Variants in ANAPC5 observed in about 807,000 individuals in gnomAD.
ANAPC5 encodes anaphase-promoting complex subunit 5.
Under a neutral mutation model 91.3 loss-of-function variants are expected in ANAPC5, and 60 were observed. The ratio of observed to expected loss-of-function variants is 0.66; its 90% confidence interval spans 0.53 to 0.81. ANAPC5 has a LOEUF of 0.81. Ranked by LOEUF, ANAPC5 falls within the 40% of genes least tolerant of loss-of-function variation. The pLI is 0.00. For missense variants in ANAPC5, 690 were observed against 931.5 expected (o/e 0.74, Z 3.37); for synonymous variants, 340 against 364.1 (o/e 0.93, Z 0.75).
At chr12:121,348,820 C>T (rs553817330) in intron 1 of ANAPC5, among the ~76,000 whole-genome samples, 1 of 152,268 alleles carries the variant, frequency 6.6e-6, no homozygotes, top group Non-Finnish European at 1.5e-5. Context: ...GATAACCCAG[C>T]AATTGCACTT....
At chr12:121,345,299 T>C (rs1459227287) in intron 4 of ANAPC5, among the ~76,000 whole-genome samples, 1 of 152,176 alleles carries the variant, frequency 6.6e-6, no homozygotes, top group Non-Finnish European at 1.5e-5. Flanking sequence ...GTTACTTCAC[T>C]CTGATGTGAT....
Position 121,342,929 on chromosome 12 carries a change from T to C in ANAPC5, c.591-860A>G, listed in dbSNP as rs1555274244. ...AAAAGAACTAAGAAATACATGTAAG[T>C]ACATCCTATAAAATAAAAAGGTTCT... On this transcript the variant is annotated intron_variant, in intron 4 of 16. Coordinates refer to ENST00000261819, the MANE Select transcript of ANAPC5 (RefSeq NM_016237.5). This position sits in a 1 kb window ranked among gnomAD's most constrained non-coding sequence, Gnocchi z 4.1. Among the ~76,000 whole-genome samples the C allele has an allele frequency of 6.6e-6, 1 of 152,194 alleles. No individual in the cohort carries two copies. The highest frequency in any genetic ancestry group is 2.4e-5 in the African/African-American group (1 of 41,450).
chr12:121,312,802 C>T (rs1593572416), intron 15 of ANAPC5, among the ~76,000 whole-genome samples: 1 of 150,788 alleles, frequency 6.6e-6, no homozygotes. Flanking sequence ...ATTGTTTGAA[C>T]CCAGGAGGCG....
At chr12:121,311,975 C>CAT (rs1302393294) in intron 15 of ANAPC5, among the ~76,000 whole-genome samples, 6 of 152,042 alleles carry the variant, frequency 3.9e-5, no homozygotes, top group Non-Finnish European at 5.9e-5. Flanking sequence ...CTGGCCCTAA[C>CAT]ATATATATAT....
intron 1 of ANAPC5, 86 bp downstream of exon 1, chr12:121,352,048 G>A (rs1903911807): frequency 8.1e-6 from 10 of 1,232,332 alleles, no homozygotes; most frequent in African/African-American, 1.5e-5. Context: ...TGATGGACAC[G>A]AGTGTCCCCA....
At chr12:121,346,249 C>A in intron 3 of ANAPC5, 1 of 436,104 alleles carries the variant, frequency 2.3e-6, no homozygotes. Context: ...CCCACCCCAC[C>A]TCCACCTGAA....
chr12:121,333,018 T>C (rs566618932), intron 7 of ANAPC5: 1 of 151,986 alleles, frequency 6.6e-6, no homozygotes, highest in Non-Finnish European at 1.5e-5. Context: ...ATTCTGTTCA[T>C]CAAAATATTA....
intron 6 of ANAPC5, among the ~76,000 whole-genome samples, chr12:121,336,010 A>G (rs1229591388): frequency 6.6e-6 from 1 of 152,224 alleles, no homozygotes. Flanking sequence ...GATAGATGAG[A>G]ATACTGGGCC....
intron 3 of ANAPC5, 29 bp downstream of exon 3, chr12:121,346,867 T>C (rs782625733): frequency 7.1e-7 from 1 of 1,411,484 alleles, no homozygotes; most frequent in African/African-American, 1.5e-5. Context: ...ATGAAAATAC[T>C]CTCTGCTCTT....
chr12:121,342,166 C>G lies in ANAPC5; in HGVS notation c.591-97G>C. The G allele has an allele frequency of 8.8e-6, 8 of 913,702 alleles. No homozygotes were observed. Among genetic ancestry groups the G allele is most frequent in the Non-Finnish European group, 1.1e-5 (7 of 611,008 alleles). The allele number at this position is 913,702 out of a possible 1,614,324, so 56.6% of individuals were successfully genotyped here. ...GATGGATTCTTGTATCGAAAGAGTT[C>G]AAAAAATTTAACTCTCTCCTCAGAA... On this transcript the variant is annotated intron_variant, in intron 4 of 16. Coordinates refer to ENST00000261819, the MANE Select transcript of ANAPC5 (RefSeq NM_016237.5). This position sits in a 1 kb window ranked among gnomAD's most constrained non-coding sequence, Gnocchi z 4.1.
At chr12:121,339,623 AC>A (rs1566193606) in intron 5 of ANAPC5, among the ~76,000 whole-genome samples, 2 of 152,176 alleles carry the variant, frequency 1.3e-5, no homozygotes, top group Non-Finnish European at 2.9e-5. Flanking sequence ...GGCACATGCC[AC>A]CACATCAGCT....
At position 121,342,010 on chromosome 12, in the gene ANAPC5, G is replaced by A. The variant is rs782012718; in HGVS notation, c.650C>T (p.Ser217Phe). Residue 217 changes from serine to phenylalanine, a missense_variant, in exon 5 of 17, where the codon TCT becomes TTT. Ser to Phe is a radical substitution (Grantham distance 155). This residue lies in a region of ANAPC5 where 238 missense variants were observed against 264.9 expected (regional missense o/e 0.90). Coordinates refer to ENST00000261819, the MANE Select transcript of ANAPC5 (RefSeq NM_016237.5). This position sits in a 1 kb window ranked among gnomAD's most constrained non-coding sequence, Gnocchi z 4.1. Reference sequence around the variant, plus strand: ...ATTACAGAATTCACATACCTGTTGAGAAAGAAAAAATTCTGCTTGTTTTTG... The same window carrying A: ...ATTACAGAATTCACATACCTGTTGAAAAAGAAAAAATTCTGCTTGTTTTTG... ...LSQKQAEFFL[S>F]QQASLLKNDE... 1 of 1,609,858 alleles carries A rather than the reference G, an allele frequency of 6.2e-7. No homozygotes were observed.
Position 121,352,366 on chromosome 12 carries a change from CCG to C in ANAPC5, c.-28_-27del, listed in dbSNP as rs782777410. On this transcript the variant is annotated 5_prime_UTR_variant, in exon 1 of 17. Transcript: ENST00000261819. ...GGCGGCCCGAGACTAAGTCTCGGGCCCGCGGCGCGCTGCCGCCAGTTGTCACC... is the reference window on the plus strand; with the variant it reads ...GGCGGCCCGAGACTAAGTCTCGGGCCCGGCGCGCTGCCGCCAGTTGTCACC... 33 of 1,568,416 alleles carry C rather than the reference CCG, an allele frequency of 2.1e-5. No individual in the cohort carries two copies. Among genetic ancestry groups the C allele is most frequent in the Non-Finnish European group, 2.4e-5 (28 of 1,152,668 alleles).
At chr12:121,309,057 G>A (rs994705896) in intron 16 of ANAPC5, among the ~76,000 whole-genome samples, 1 of 150,930 alleles carries the variant, frequency 6.6e-6, no homozygotes, top group Non-Finnish European at 1.5e-5. Flanking sequence ...GCTGAGGCAG[G>A]AGAGTCACTT....
chr12:121,323,491 C>T (rs1358292512), intron 11 of ANAPC5, among the ~76,000 whole-genome samples: 1 of 151,994 alleles, frequency 6.6e-6, no homozygotes, highest in East Asian at 1.9e-4. Context: ...CACACCACAC[C>T]CAGCTAATTT....
chr12:121,309,989 A>G (rs755136794), intron 15 of ANAPC5, 126 bp from the exon 16 acceptor site: 439 of 841,122 alleles, frequency 5.2e-4, no homozygotes, highest in Middle Eastern at 1.4e-3. Context: ...GACATGTACT[A>G]CGTTAAAACA....
In ANAPC5 at chr12:121,309,437, C is replaced by CA. The variant is rs879298227; in HGVS notation, c.2056+263dup. Among the ~76,000 whole-genome samples, 392 of 137,124 alleles carry CA rather than the reference C, an allele frequency of 2.9e-3. 2 individuals are homozygous for CA. Among genetic ancestry groups the CA allele is most frequent in the African/African-American group, 8.3e-3 (312 of 37,482 alleles). The allele number at this position is 137,124 out of a possible 152,430, so 90.0% of individuals were successfully genotyped here. On this transcript the variant is annotated intron_variant, in intron 16 of 16. Transcript: ENST00000261819. ...TGAGCTACAGAGTGAGACTTTGTCTCAAAAAAAAAAAAGTCTTTAACTCCT... is the reference window on the plus strand; with the variant it reads ...TGAGCTACAGAGTGAGACTTTGTCTCAAAAAAAAAAAAAGTCTTTAACTCCT...
chr12:121,346,075 T>A, intron 3 of ANAPC5, 44 bp from the exon 4 acceptor site: 1 of 1,518,876 alleles, frequency 6.6e-7, no homozygotes, highest in East Asian at 2.3e-5. Context: ...TTAACTGACA[T>A]CCAGGCTACG....
intron 15 of ANAPC5, among the ~76,000 whole-genome samples, chr12:121,312,670 G>T (rs1413110643): frequency 7.5e-6 from 1 of 133,188 alleles, no homozygotes; most frequent in South Asian, 2.4e-4. Context: ...TCGCACCACC[G>T]CACTCCAGCC....
Sources: gnomAD v4.1 joint callset for allele counts (sites outside exome capture counted in the v4.1 genomes callset) on GRCh38, gnomAD v4.1.1 for gene constraint, gnomAD v4.1.1 regional missense constraint, Gnocchi (gnomAD v3.1) non-coding constraint, MANE v1.5 for transcripts, NCBI Gene and HGNC (gene_info 2026-07-23, HGNC 2026-07-21) for gene names.